Variants in BMPR2 observed in about 807,000 individuals in gnomAD.
BMPR2 encodes the protein bone morphogenetic protein receptor type-2.
In BMPR2, 29 loss-of-function variants were observed where a neutral mutation model predicts 100.8. The observed-to-expected ratio is 0.29, with a 90% confidence interval of 0.21 to 0.39. The LOEUF is 0.39. Among genes scored for constraint, BMPR2 ranks in the 10% least tolerant of loss-of-function variants. The pLI is 1.00. For synonymous variants in BMPR2, 382 were observed against 442.3 expected (o/e 0.86, Z 1.71); for missense variants, 1,011 against 1,274.5 (o/e 0.79, Z 3.15).
chr2:202,546,872 G>A (rs2106035700), intron 10 of BMPR2, among the ~76,000 whole-genome samples: 1 of 152,224 alleles, frequency 6.6e-6, no homozygotes, highest in African/African-American at 2.4e-5. Context: ...GGAGTGCTGG[G>A]ATTACAGACA....
chr2:202,467,933 G>A (rs1241416478), intron 3 of BMPR2, among the ~76,000 whole-genome samples: 5 of 151,848 alleles, frequency 3.3e-5, no homozygotes, highest in Non-Finnish European at 1.5e-5. Context: ...CTGTAATCCC[G>A]CTACTCAGGA....
rs80213986 is a variant in BMPR2, at chr2:202,475,026, T to C, written c.418+7337T>C. The C allele has an allele frequency of 1.8e-4, 27 of 152,314 alleles. No homozygotes were observed. In the East Asian group the frequency reaches 5.2e-3, roughly 29 times the overall value. The allele number at this position is 152,314 out of a possible 1,614,324, so 9.4% of individuals were successfully genotyped here. A position where few individuals can be genotyped will look rare whatever the true frequency, so the allele number is the denominator to read the frequency against. ...ATTGTTAATATTTAGAATGTTTCTT[T>C]CCAGTCTTTTCTCTTTTATTTTTGC... On this transcript the variant is annotated intron_variant, in intron 3 of 12. Transcript: ENST00000374580.
chr2:202,457,400 A>C (rs1574459169), intron 1 of BMPR2, among the ~76,000 whole-genome samples: 1 of 151,514 alleles, frequency 6.6e-6, no homozygotes, highest in African/African-American at 2.4e-5. Context: ...TTTCATGACT[A>C]TTATCTATTT....
At chr2:202,434,512 C>T (rs979101300) in intron 1 of BMPR2, among the ~76,000 whole-genome samples, 1 of 150,460 alleles carries the variant, frequency 6.6e-6, no homozygotes, top group African/African-American at 2.5e-5. Context: ...CATGACAATG[C>T]TCCTGCTCAT....
chr2:202,406,213 G>C (rs1205846696), intron 1 of BMPR2, among the ~76,000 whole-genome samples: 1 of 152,202 alleles, frequency 6.6e-6, no homozygotes, highest in Non-Finnish European at 1.5e-5. Context: ...AGAAATAAAG[G>C]ATATAATAGG....
At chr2:202,409,028 A>G (rs1295167238) in intron 1 of BMPR2, among the ~76,000 whole-genome samples, 1 of 151,912 alleles carries the variant, frequency 6.6e-6, no homozygotes, top group Non-Finnish European at 1.5e-5. Context: ...GGAACAAACT[A>G]CTCTTCTTAA....
Position 202,416,266 on chromosome 2 carries a change from CT to C in BMPR2, c.76+38728del, listed in dbSNP as rs769226215. ...GAAAATTTGAATGGAGGAAGAGTTG[CT>C]TTTTTTTTTTTCTTTTTCAGAAAGG... On this transcript the variant is annotated intron_variant, in intron 1 of 12. Transcript: ENST00000374580. 3.7e-3 allele frequency among the ~76,000 whole-genome samples: 535 copies of C among 143,984 alleles called. 2 individuals are homozygous for C. Among genetic ancestry groups the C allele is most frequent in the African/African-American group, 0.011 (445 of 39,502 alleles). 94.5% of individuals were successfully genotyped at this position (143,984 alleles called of 152,430 possible). A position where few individuals can be genotyped will look rare whatever the true frequency, so the allele number is the denominator to read the frequency against.
chr2:202,397,681 T>G (rs926180273), intron 1 of BMPR2, among the ~76,000 whole-genome samples: 5 of 151,536 alleles, frequency 3.3e-5, no homozygotes, highest in Non-Finnish European at 7.4e-5. Flanking sequence ...AAAATTTTTT[T>G]TAGAGACAGG....
chr2:202,389,209 G>A (rs915927066), intron 1 of BMPR2, among the ~76,000 whole-genome samples: 10 of 151,674 alleles, frequency 6.6e-5, no homozygotes, highest in African/African-American at 2.4e-4. Context: ...TGGGTGACAG[G>A]TTGAGACCCT....
chr2:202,513,680 T>TA, intron 3 of BMPR2, 39 bp from the exon 4 acceptor site: 4 of 1,507,958 alleles, frequency 2.7e-6, no homozygotes, highest in Non-Finnish European at 3.7e-6. Context: ...AAATACTTTT[T>TA]TAAAAAAAAA....
chr2:202,516,456 T>C (rs1167743793), intron 5 of BMPR2, among the ~76,000 whole-genome samples: 3 of 152,192 alleles, frequency 2.0e-5, no homozygotes, highest in African/African-American at 7.2e-5. Context: ...GGTGGATTGC[T>C]TGAGCCCAGG....
chr2:202,489,569 A>G (rs1692855298), intron 3 of BMPR2, among the ~76,000 whole-genome samples: 2 of 152,248 alleles, frequency 1.3e-5, no homozygotes, highest in Non-Finnish European at 1.5e-5. Flanking sequence ...ACATCTCACA[A>G]GTGGTAAATA....
chr2:202,447,223 C>A (rs1409217206), intron 1 of BMPR2, among the ~76,000 whole-genome samples: 1 of 150,180 alleles, frequency 6.7e-6, no homozygotes, highest in Non-Finnish European at 1.5e-5. Flanking sequence ...CAAGGAGAAT[C>A]ACTTGAACCT....
chr2:202,440,288 G>C (rs1395264877), intron 1 of BMPR2, among the ~76,000 whole-genome samples: 2 of 150,132 alleles, frequency 1.3e-5, no homozygotes, highest in Non-Finnish European at 2.9e-5. Context: ...CCTCCCAGAC[G>C]GGGTGGTGGT....
In BMPR2 at chr2:202,495,886, C is replaced by CA. The variant is rs1412951834; in HGVS notation, c.419-17827dup. Reference sequence around the variant, plus strand: ...ATAAAAGCAAAGAATGCTGAGCCTTCAAAAAACTGTATGAGAAGACTCATT... The same window carrying CA: ...ATAAAAGCAAAGAATGCTGAGCCTTCAAAAAAACTGTATGAGAAGACTCATT... On this transcript the variant is annotated intron_variant, in intron 3 of 12. Coordinates refer to ENST00000374580, the MANE Select transcript of BMPR2 (RefSeq NM_001204.7). This position sits in a 1 kb window ranked among gnomAD's most constrained non-coding sequence, Gnocchi z 4.5. Among the ~76,000 whole-genome samples, 3 of 152,120 alleles carry CA rather than the reference C, an allele frequency of 2.0e-5. No homozygotes were observed. Among genetic ancestry groups the CA allele is most frequent in the African/African-American group, 7.2e-5 (3 of 41,424 alleles).
chr2:202,392,991 CAAA>C (rs57464494), intron 1 of BMPR2, among the ~76,000 whole-genome samples: 14,863 of 95,706 alleles, frequency 0.16, 841 homozygotes, highest in Non-Finnish European at 0.19. Flanking sequence ...AACTCCGTCT[CAAA>C]AAAAAAAAAA....
intron 1 of BMPR2, among the ~76,000 whole-genome samples, chr2:202,431,610 T>C (rs1418599616): frequency 6.6e-6 from 1 of 150,656 alleles, no homozygotes; most frequent in East Asian, 1.9e-4. Context: ...TACTGTACTT[T>C]TTCTGTGTTT....
At chr2:202,443,875 A>G (rs1691796659) in intron 1 of BMPR2, among the ~76,000 whole-genome samples, 1 of 150,396 alleles carries the variant, frequency 6.6e-6, no homozygotes, top group Non-Finnish European at 1.5e-5. Context: ...TTTTTTTTCC[A>G]GATAATTTCT....
intron 1 of BMPR2, among the ~76,000 whole-genome samples, chr2:202,444,026 G>C (rs1691800641): frequency 1.3e-5 from 2 of 150,528 alleles, no homozygotes; most frequent in Admixed American, 6.6e-5. Flanking sequence ...TACTACCACC[G>C]GTTGTAGTGA....
Sources: allele counts gnomAD v4.1 joint callset (sites outside exome capture counted in the v4.1 genomes callset), GRCh38; gene constraint gnomAD v4.1.1; non-coding constraint Gnocchi (gnomAD v3.1); transcripts MANE v1.5; gene names NCBI Gene and HGNC (gene_info 2026-07-23, HGNC 2026-07-21).